The following UBR4 variants were observed in gnomAD, a reference collection of about 807,000 sequenced individuals.
UBR4 encodes E3 ubiquitin-protein ligase UBR4.
A neutral mutation model predicts 575.6 loss-of-function variants in UBR4; 124 were observed. That is an observed-to-expected ratio of 0.22 (90% CI 0.19 to 0.25). The LOEUF is 0.25. UBR4 is among the 10% of genes least tolerant of loss of function. UBR4 has a pLI of 1.00. For synonymous variants in UBR4, 2,455 were observed against 2,473.7 expected (o/e 0.99, Z 0.22); for missense variants, 4,818 against 6,478.8 (o/e 0.74, Z 8.80).
rs145150676 is a variant in UBR4 at position 19,126,937 on chromosome 1, T to C, written c.9229-282A>G. Among the ~76,000 whole-genome samples, 3 of 152,340 alleles carry C rather than the reference T, an allele frequency of 2.0e-5. No individual in the cohort carries two copies. In the East Asian group the frequency reaches 5.8e-4, roughly 29 times the overall value. ...AGAAGCCAGGGAGGCAAGGATTAAA[T>C]AACCTTTCCCCCTGGAGGGGACGCG... is the stretch of plus-strand genomic sequence containing the variant. On this transcript the variant is annotated intron_variant, in intron 63 of 105. Coordinates refer to ENST00000375254, the MANE Select transcript of UBR4 (RefSeq NM_020765.3).
rs1478194082 is a variant in UBR4 at position 19,210,177 on chromosome 1, G to C, written c.72C>G (p.Asp24Glu). 4.0e-6 allele frequency: 6 copies of C among 1,510,212 alleles called. No homozygotes were observed. Among genetic ancestry groups the C allele is most frequent in the African/African-American group, 2.9e-5 (2 of 68,486 alleles). 93.6% of individuals were successfully genotyped at this position (1,510,212 alleles called of 1,614,324 possible). The change falls in exon 1 of 106, where the codon GAC becomes GAG. Residue 24 changes from aspartate to glutamate, a missense_variant. This residue lies in a region of UBR4 where 95 missense variants were observed against 87.7 expected (regional missense o/e 1.08). Transcript: ENST00000375254. The stretch of plus-strand genomic sequence containing the variant: ...CAGCCACCTCCCAGCCCGGGGTCGT[G>C]TCCGCCCCCGTTGCCGGGGTCCCCG... Reference protein sequence around the residue: ...PAPGTPATGADTTPGWEVAVR... With the variant: ...PAPGTPATGAETTPGWEVAVR...
At chr1:19,144,735 C>T (rs2084605432) in intron 54 of UBR4, 51 bp downstream of exon 54, 1 of 1,567,404 alleles carries the variant, frequency 6.4e-7, no homozygotes, top group Non-Finnish European at 8.7e-7. Context: ...AAACAATTTT[C>T]CAGATATTCC....
chr1:19,193,528 G>A lies in UBR4; in HGVS notation c.1048C>T (p.Leu350Phe). Residue 350 changes from leucine (L) to phenylalanine (F), a missense_variant, in exon 9 of 106, where the codon CTC (leucine) becomes TTC (phenylalanine). This residue lies in a region of UBR4 where 131 missense variants were observed against 214.5 expected (regional missense o/e 0.61). Coordinates refer to ENST00000375254, the MANE Select transcript of UBR4 (RefSeq NM_020765.3). ...ACTTGCTGGGCACTACCCACATGGA[G>A]GATGGCCATGCACGTTGCCACACTC... ...GVSVATCMAILHVGSAQQVRT... is the reference protein window; with the variant it reads ...GVSVATCMAIFHVGSAQQVRT... 1 of 1,614,068 alleles carries A rather than the reference G, an allele frequency of 6.2e-7. No individual in the cohort carries two copies. Among genetic ancestry groups the A allele is most frequent in the Non-Finnish European group, 8.5e-7 (1 of 1,179,984 alleles).
At position 19,168,161 on chromosome 1, in the gene UBR4, G is replaced by C. The variant is rs1349349438; in HGVS notation, c.3765C>G (p.Thr1255=). ...GSWRNAFAND[T]IPSESYISAV... ...CACTAATATAACTCTCTGAAGGGAT[G>C]GTGTCATTGGCAAAGGCATTGCGCT... The change falls in exon 28 of 106, where the codon ACC becomes ACG. Residue 1255 remains threonine, a synonymous_variant. Coordinates refer to ENST00000375254, the MANE Select transcript of UBR4 (RefSeq NM_020765.3). 6.3e-7 allele frequency: 1 copy of C among 1,587,748 alleles called. No individual in the cohort carries two copies. The highest frequency in any genetic ancestry group is 1.1e-5 in the South Asian group (1 of 88,718).
chr1:19,084,866 C>T (rs1212262037), intron 101 of UBR4, among the ~76,000 whole-genome samples, 168 bp from the exon 102 acceptor site: 2 of 152,182 alleles, frequency 1.3e-5, no homozygotes, highest in African/African-American at 2.4e-5. Context: ...GCCAGCAGGA[C>T]GACAAGGCCA....
rs368763934 is a variant in UBR4 at position 19,153,628 on chromosome 1, G to C, written c.6631-126C>G. 28 of 1,465,696 alleles carry C rather than the reference G, an allele frequency of 1.9e-5. No individual in the cohort carries two copies. Among genetic ancestry groups the C allele is most frequent in the Non-Finnish European group, 2.1e-5 (23 of 1,078,360 alleles). The allele number at this position is 1,465,696 out of a possible 1,614,324, so 90.8% of individuals were successfully genotyped here. A position where few individuals can be genotyped will look rare whatever the true frequency, so the allele number is the denominator to read the frequency against. On this transcript the variant is annotated intron_variant, in intron 45 of 105. Transcript: ENST00000375254. The surrounding 1 kb of genome is among the most constrained non-coding windows in gnomAD (Gnocchi z 4.1). ...AGGGGCTGTACAGAAGGGTGGCAAA[G>C]AAAAGGCATCTAGAAGAAAAAGGAC...
At position 19,187,282 on chromosome 1, in the gene UBR4, G is replaced by C. The variant is rs762615004; in HGVS notation, c.1514C>G (p.Pro505Arg). 6.2e-7 allele frequency: 1 copy of C among 1,613,606 alleles called. No homozygotes were observed. The highest frequency in any genetic ancestry group is 8.5e-7 in the Non-Finnish European group (1 of 1,179,726). The change falls in exon 13 of 106, where the codon CCC becomes CGC. Residue 505 changes from proline to arginine, a missense_variant. Transcript: ENST00000375254. Reference sequence around the variant, plus strand: ...GGCCATAATGCTCAAGGCTGCAGGGGGGCCATCTGTCTCCCAACCCTGAAG... The same window carrying C: ...GGCCATAATGCTCAAGGCTGCAGGGCGGCCATCTGTCTCCCAACCCTGAAG... Reference protein sequence around the residue: ...ALHKGWETDGPPAALSIMAQS... With the variant: ...ALHKGWETDGRPAALSIMAQS...
intron 2 of UBR4, 130 bp downstream of exon 2, chr1:19,201,588 T>C (rs575525307): frequency 3.0e-6 from 2 of 674,314 alleles, no homozygotes; most frequent in East Asian, 3.1e-5. Context: ...GTCTCTACTC[T>C]TGGGTGAGCA....
At position 19,176,728 on chromosome 1, in the gene UBR4, C is replaced by T; in HGVS notation, c.2638-1G>A. 6.2e-7 allele frequency: 1 copy of T among 1,612,556 alleles called. No individual in the cohort carries two copies. Among genetic ancestry groups the T allele is most frequent in the Admixed American group, 1.7e-5 (1 of 59,648 alleles). ...GAGGACTTAGCAGGTTATGCTGTAC[C>T]TTTTAAAACACAAATACTGAAATTA... is the stretch of plus-strand genomic sequence containing the variant. On this transcript the variant is annotated splice_acceptor_variant, in intron 19 of 105. Transcript: ENST00000375254. LOFTEE classifies it high-confidence loss of function.
chr1:19,144,684 T>C, intron 54 of UBR4, 102 bp downstream of exon 54: 6 of 1,475,084 alleles, frequency 4.1e-6, no homozygotes, highest in Non-Finnish European at 5.5e-6. Context: ...TCCCTTCAGC[T>C]TCCTCTAAAT....
intron 97 of UBR4, among the ~76,000 whole-genome samples, chr1:19,091,938 TAAAC>T (rs2077551973): frequency 6.7e-6 from 1 of 150,286 alleles, no homozygotes; most frequent in Non-Finnish European, 1.5e-5. Flanking sequence ...GGTGAACAGT[TAAAC>T]AAACCTGGAT....
Position 19,140,961 on chromosome 1 carries a change from C to G in UBR4, c.8489-69G>C, listed in dbSNP as rs925234042. 1.2e-5 allele frequency: 17 copies of G among 1,474,926 alleles called. No homozygotes were observed. The African/African-American group carries it at 1.9e-4, about 17-fold the overall frequency. 91.4% of individuals were successfully genotyped at this position (1,474,926 alleles called of 1,614,324 possible). A position where few individuals can be genotyped will look rare whatever the true frequency, so the allele number is the denominator to read the frequency against. On this transcript the variant is annotated intron_variant, in intron 57 of 105. Transcript: ENST00000375254. ...CCATCCACAGCGCTGCTTTGGCCAC[C>G]TGCTGCCCTCAAGAGTCTCCAAACA... is the stretch of plus-strand genomic sequence containing the variant.
At chr1:19,103,069 T>A (rs998684868) in intron 87 of UBR4, among the ~76,000 whole-genome samples, 4 of 152,144 alleles carry the variant, frequency 2.6e-5, no homozygotes, top group African/African-American at 9.7e-5. Flanking sequence ...GAGAAACCCA[T>A]CTTTGGCCCA....
At chr1:19,113,555 C>T in intron 77 of UBR4, 144 bp downstream of exon 77, 5 of 1,251,872 alleles carry the variant, frequency 4.0e-6, no homozygotes, top group Non-Finnish European at 5.6e-6. Flanking sequence ...TTTGGTGCAG[C>T]CATCTGCCTG....
At chr1:19,080,071 G>A (rs970224326) in intron 103 of UBR4, 1 of 152,242 alleles carries the variant, frequency 6.6e-6, no homozygotes. Context: ...GCCATGGAGA[G>A]ACTGTGCCCA....
chr1:19,086,061 A>G, intron 101 of UBR4, 84 bp downstream of exon 101: 1 of 1,532,182 alleles, frequency 6.5e-7, no homozygotes, highest in Non-Finnish European at 8.8e-7. Flanking sequence ...AAATGGTGTC[A>G]CCAGGGGATT....
At position 19,193,501 on chromosome 1, in the gene UBR4, G is replaced by A. The variant is rs151117933; in HGVS notation, c.1075C>T (p.Arg359Trp). 6.8e-6 allele frequency: 11 copies of A among 1,613,962 alleles called. No individual in the cohort carries two copies. Among genetic ancestry groups the A allele is most frequent in the East Asian group, 6.7e-5 (3 of 44,884 alleles). ...ILHVGSAQQV[R>W]TGSTSSKEDD... ...TCTTTGGAGCTCGTGGACCCTGTCC[G>A]CACTTGCTGGGCACTACCCACATGG... Residue 359 changes from arginine to tryptophan, a missense_variant, in exon 9 of 106, where the codon CGG (arginine) becomes TGG (tryptophan). Arg to Trp is a moderately radical substitution (Grantham distance 101, BLOSUM62 -3). This residue lies in a region of UBR4 where 131 missense variants were observed against 214.5 expected (regional missense o/e 0.61). Transcript: ENST00000375254.
Position 19,096,563 on chromosome 1 carries a change from G to C in UBR4, c.13478C>G (p.Ala4493Gly). Residue 4493 changes from alanine (A) to glycine (G), a missense_variant, in exon 92 of 106, where the codon GCA becomes GGA. Coordinates refer to ENST00000375254, the MANE Select transcript of UBR4 (RefSeq NM_020765.3). ...GGLECMLNRL[A>G]GIRDFKQGRH... ...TCCCTGCTTGAAATCTCTGATCCCTGCGAGTCTGTTAAGCATGCATTCCAG... is the reference window on the plus strand; with the variant it reads ...TCCCTGCTTGAAATCTCTGATCCCTCCGAGTCTGTTAAGCATGCATTCCAG... 6.2e-7 allele frequency: 1 copy of C among 1,613,460 alleles called. No individual in the cohort carries two copies. Among genetic ancestry groups the C allele is most frequent in the Non-Finnish European group, 8.5e-7 (1 of 1,179,798 alleles).
intron 15 of UBR4, 100 bp downstream of exon 15, chr1:19,184,999 A>T (rs2091383393): frequency 7.0e-7 from 1 of 1,426,224 alleles, no homozygotes; most frequent in African/African-American, 1.4e-5. Flanking sequence ...TAAACATTAC[A>T]GTTATCCAAG....
Sources: allele counts gnomAD v4.1 joint callset (sites outside exome capture counted in the v4.1 genomes callset), GRCh38; gene constraint gnomAD v4.1.1; regional missense constraint gnomAD v4.1.1; non-coding constraint Gnocchi (gnomAD v3.1); transcripts MANE v1.5; gene names NCBI Gene and HGNC (gene_info 2026-07-23, HGNC 2026-07-21).